Variants in TAFA2 observed in about 807,000 individuals in gnomAD.
TAFA2 encodes the protein chemokine-like protein TAFA-2.
Under a neutral mutation model 18.8 loss-of-function variants are expected in TAFA2, and 7 were observed. That is an observed-to-expected ratio of 0.37 (90% CI 0.21 to 0.70). The LOEUF is 0.70. Among genes scored for constraint, TAFA2 ranks in the 30% least tolerant of loss-of-function variants. The pLI, the probability that TAFA2 is intolerant of heterozygous loss-of-function variation, is 0.53. For synonymous variants in TAFA2, 60 were observed against 54.2 expected, an observed-to-expected ratio of 1.11 and a Z score of -0.47; for missense variants, 122 against 158.1, an observed-to-expected ratio of 0.77 and a Z score of 1.23.
At chr12:61,714,946 C>T (rs1387053408) in intron 4 of TAFA2, among the ~76,000 whole-genome samples, 1 of 152,170 alleles carries the variant, frequency 6.6e-6, no homozygotes, top group Non-Finnish European at 1.5e-5. Flanking sequence ...CAGATCCTTG[C>T]CTTATCACTT....
chr12:61,774,866 T>G (rs1480293595), intron 2 of TAFA2, among the ~76,000 whole-genome samples: 1 of 151,644 alleles, frequency 6.6e-6, no homozygotes, highest in Admixed American at 6.6e-5. Flanking sequence ...ATAAAGACAT[T>G]GTCAAGAGAA....
chr12:62,106,206 C>T (rs747943590), intron 1 of TAFA2, among the ~76,000 whole-genome samples: 12 of 151,614 alleles, frequency 7.9e-5, no homozygotes, highest in Non-Finnish European at 1.3e-4. Context: ...TGGTGGTGGG[C>T]GCCTGTAATC....
chr12:62,216,901 G>A (rs979424283), intron 1 of TAFA2, among the ~76,000 whole-genome samples: 4 of 152,096 alleles, frequency 2.6e-5, no homozygotes, highest in Non-Finnish European at 4.4e-5. Flanking sequence ...TATACATTAC[G>A]GTATACCATA....
intron 1 of TAFA2, among the ~76,000 whole-genome samples, chr12:61,869,675 G>C (rs747841730): frequency 6.6e-6 from 1 of 152,126 alleles, no homozygotes; most frequent in African/African-American, 2.4e-5. Flanking sequence ...GCCTCTTAGA[G>C]AAATATTGAG....
At chr12:62,022,888 G>A (rs1881192134) in intron 1 of TAFA2, among the ~76,000 whole-genome samples, 1 of 152,186 alleles carries the variant, frequency 6.6e-6, no homozygotes, top group Non-Finnish European at 1.5e-5. Context: ...GGTTCCCATG[G>A]CTGAATGAGG....
chr12:62,198,322 C>A (rs963964751), intron 1 of TAFA2: 6 of 152,196 alleles, frequency 3.9e-5, no homozygotes, highest in Non-Finnish European at 8.8e-5. Context: ...TTCCCAGCCT[C>A]CTCTCTTTCT....
chr12:61,973,428 A>ACTTAGTT (rs1379255028), intron 1 of TAFA2, among the ~76,000 whole-genome samples: 1 of 146,780 alleles, frequency 6.8e-6, no homozygotes, highest in Non-Finnish European at 1.5e-5. Flanking sequence ...TTTCATTACA[A>ACTTAGTT]CTTAGTTTAT....
intron 1 of TAFA2, among the ~76,000 whole-genome samples, chr12:61,970,971 T>C (rs1305195741): frequency 6.6e-6 from 1 of 151,638 alleles, no homozygotes; most frequent in Non-Finnish European, 1.5e-5. Context: ...ATGCATAACG[T>C]CTTATGATTC....
At chr12:61,909,796 T>A (rs905354293) in intron 1 of TAFA2, among the ~76,000 whole-genome samples, 1 of 152,014 alleles carries the variant, frequency 6.6e-6, no homozygotes, top group Admixed American at 6.6e-5. Flanking sequence ...AATTGGAAGG[T>A]TTTAGTAGGG....
intron 4 of TAFA2, among the ~76,000 whole-genome samples, chr12:61,739,911 A>G (rs1031603503): frequency 2.0e-5 from 3 of 152,106 alleles, no homozygotes; most frequent in African/African-American, 7.2e-5. Flanking sequence ...TTCTTTCAAG[A>G]TAGAATAAAT....
At chr12:61,740,504 A>T (rs1366682424) in intron 4 of TAFA2, among the ~76,000 whole-genome samples, 1 of 151,948 alleles carries the variant, frequency 6.6e-6, no homozygotes, top group African/African-American at 2.4e-5. Flanking sequence ...AAAAACAAAT[A>T]AAAAAATAGA....
chr12:62,240,709 C>T (rs1345882840), intron 1 of TAFA2, among the ~76,000 whole-genome samples: 1 of 152,038 alleles, frequency 6.6e-6, no homozygotes, highest in South Asian at 2.1e-4. Flanking sequence ...TCCAATAAAG[C>T]AGGGGTTCCC....
At chr12:61,998,867 T>C (rs1880287081) in intron 1 of TAFA2, among the ~76,000 whole-genome samples, 1 of 152,218 alleles carries the variant, frequency 6.6e-6, no homozygotes, top group African/African-American at 2.4e-5. Flanking sequence ...AAGTAACATC[T>C]GATCCTGCCA....
intron 4 of TAFA2, among the ~76,000 whole-genome samples, chr12:61,747,129 G>A (rs1354252971): frequency 3.3e-5 from 5 of 152,104 alleles, no homozygotes; most frequent in Non-Finnish European, 7.4e-5. Flanking sequence ...GCTCATCACT[G>A]GCCATCAGAG....
chr12:62,222,682 T>A (rs370282063), intron 1 of TAFA2, among the ~76,000 whole-genome samples: 5 of 150,846 alleles, frequency 3.3e-5, no homozygotes, highest in Admixed American at 6.6e-5. Flanking sequence ...AATTTTTTTT[T>A]TTTTTTTATT....
chr12:61,885,508 T>C (rs1875335480), intron 1 of TAFA2, among the ~76,000 whole-genome samples: 1 of 152,206 alleles, frequency 6.6e-6, no homozygotes, highest in Admixed American at 6.5e-5. Context: ...CAAATGTAGA[T>C]GATAATACAA....
chr12:61,880,022 G>A (rs2121267179), intron 1 of TAFA2: 1 of 738,620 alleles, frequency 1.4e-6, no homozygotes, highest in East Asian at 2.5e-5. Flanking sequence ...GGAGATCTGG[G>A]AGCTGCAGTC....
chr12:61,838,378 T>C (rs1565651811), intron 2 of TAFA2, among the ~76,000 whole-genome samples: 1 of 151,948 alleles, frequency 6.6e-6, no homozygotes, highest in South Asian at 2.1e-4. Flanking sequence ...TATGAGTTTC[T>C]GTAACTCTCA....
intron 1 of TAFA2, chr12:62,253,629 C>T (rs2062925061): frequency 6.6e-6 from 1 of 152,174 alleles, no homozygotes; most frequent in Non-Finnish European, 1.5e-5. Context: ...ATCTTCAAAG[C>T]CATTCTTCCA....
Sources: gnomAD v4.1 joint callset for allele counts (sites outside exome capture counted in the v4.1 genomes callset) on GRCh38, gnomAD v4.1.1 for gene constraint, MANE v1.5 for transcripts, NCBI Gene and HGNC (gene_info 2026-07-23, HGNC 2026-07-21) for gene names.